BICD1: variants seen among roughly 807,000 people sequenced by gnomAD.
BICD1 encodes BICD cargo adaptor 1, also known as protein bicaudal D homolog 1.
In BICD1, 35 loss-of-function variants were observed where a neutral mutation model predicts 92.5. The observed-to-expected ratio is 0.38, with a 90% CI of 0.29 to 0.50. The LOEUF (loss-of-function observed/expected upper bound fraction) is 0.50. Among genes scored for constraint, BICD1 ranks in the 20% least tolerant of loss-of-function variants. BICD1 has a pLI of 0.93. For missense variants in BICD1, 950 were observed against 1,189.8 expected, an observed-to-expected ratio of 0.80 and a Z score of 2.97; for synonymous variants, 429 against 465.1, an observed-to-expected ratio of 0.92 and a Z score of 1.00.
At chr12:32,332,616 G>A (rs183516942) in intron 5 of BICD1, 2 of 306,782 alleles carry the variant, frequency 6.5e-6, no homozygotes, top group African/African-American at 2.3e-5. Flanking sequence ...ACAGTTCAAC[G>A]TTACACATGC....
chr12:32,286,494 C>T (rs1947571530), intron 2 of BICD1, among the ~76,000 whole-genome samples: 1 of 152,036 alleles, frequency 6.6e-6, no homozygotes, highest in Non-Finnish European at 1.5e-5. Flanking sequence ...GACTTTATAG[C>T]CAAATTAGGG....
intron 8 of BICD1, among the ~76,000 whole-genome samples, chr12:32,362,285 G>A (rs550856191): frequency 3.7e-4 from 57 of 152,312 alleles, no homozygotes; most frequent in Non-Finnish European, 6.6e-4. Context: ...GCTTGAACCC[G>A]CGAGGCGGAG....
intron 2 of BICD1, among the ~76,000 whole-genome samples, chr12:32,275,429 G>A (rs1472961984): frequency 6.6e-6 from 1 of 151,988 alleles, no homozygotes; most frequent in East Asian, 1.9e-4. Flanking sequence ...ATAATTTCTG[G>A]GTCTGGAATC....
At chr12:32,118,962 A>T (rs968560192) in intron 1 of BICD1, among the ~76,000 whole-genome samples, 1 of 152,192 alleles carries the variant, frequency 6.6e-6, no homozygotes, top group African/African-American at 2.4e-5. Context: ...GAGTCAACGA[A>T]CATCCACACA....
chr12:32,312,000 G>T (rs1463404184), intron 4 of BICD1, among the ~76,000 whole-genome samples: 1 of 152,146 alleles, frequency 6.6e-6, no homozygotes, highest in Non-Finnish European at 1.5e-5. Context: ...TTTATGGTTT[G>T]TAGGGCATGA....
chr12:32,353,498 T>G (rs972980959), intron 8 of BICD1: 1 of 151,904 alleles, frequency 6.6e-6, no homozygotes, highest in Non-Finnish European at 1.5e-5. Context: ...GGTGAAAGTC[T>G]GTAATTTTCA....
rs1291765244 is a variant in BICD1 at position 32,337,763 on chromosome 12, T to G, written c.2517T>G (p.Ser839Arg). 1.9e-6 allele frequency: 3 copies of G among 1,614,118 alleles called. No homozygotes were observed. Among genetic ancestry groups the G allele is most frequent in the Non-Finnish European group, 1.7e-6 (2 of 1,180,022 alleles). The change falls in exon 7 of 10, where the codon AGT (serine) becomes AGG (arginine). Residue 839 changes from serine to arginine, a missense_variant. This residue lies in a region of BICD1 where 179 missense variants were observed against 186.7 expected (regional missense o/e 0.96). Transcript: ENST00000652176. The surrounding 1 kb of genome is among the most constrained non-coding windows in gnomAD (Gnocchi z 4.7). ...VPTIDTYLLHSQGPQTPNIRV... is the reference protein window; with the variant it reads ...VPTIDTYLLHRQGPQTPNIRV... ...CCATAGACACTTACCTCCTGCATAG[T>G]CAGGGCCCACAGACACCCAACATTC...
Position 32,327,524 on chromosome 12 carries a change from A to G in BICD1, c.1069A>G (p.Thr357Ala), listed in dbSNP as rs1565673233. The change falls in exon 5 of 10, where the codon ACC (threonine) becomes GCC (alanine). Residue 357 changes from threonine to alanine, a missense_variant. By Grantham distance (58) the Thr-to-Ala change is moderately conservative (BLOSUM62 0). Around this residue, in one of 5 missense-constraint regions of BICD1, gnomAD observed 246 missense variants for 258.4 expected, o/e 0.95. Transcript: ENST00000652176. ...LQESQTQLEH[T>A]KGALTEQHER... Reference sequence around the variant, plus strand: ...GGAGTCACAGACACAGCTGGAACACACCAAGGGGGCACTGACGGAGCAGCA... The same window carrying G: ...GGAGTCACAGACACAGCTGGAACACGCCAAGGGGGCACTGACGGAGCAGCA... The G allele has an allele frequency of 3.7e-6, 6 of 1,614,158 alleles. No homozygotes were observed. The highest frequency in any genetic ancestry group is 5.1e-6 in the Non-Finnish European group (6 of 1,180,006).
intron 4 of BICD1, among the ~76,000 whole-genome samples, chr12:32,321,652 G>C (rs1366110444): frequency 6.6e-6 from 1 of 152,148 alleles, no homozygotes; most frequent in Non-Finnish European, 1.5e-5. Context: ...CAAATGTATA[G>C]TAATTTTAAG....
At chr12:32,268,883 T>C (rs1455294353) in intron 2 of BICD1, among the ~76,000 whole-genome samples, 2 of 152,188 alleles carry the variant, frequency 1.3e-5, no homozygotes, top group South Asian at 4.1e-4. Flanking sequence ...ATTGAATAGC[T>C]CATAAGCCAA....
In BICD1 at chr12:32,316,507, G is replaced by C. The variant is rs148590890; in HGVS notation, c.1005+10385G>C. ...GTAGAGACGGAGTTTCACCATGTCG[G>C]CCTGGCTGGTCTCAAACTCCTGACC... On this transcript the variant is annotated intron_variant, in intron 4 of 9. Coordinates refer to ENST00000652176, the MANE Select transcript of BICD1 (RefSeq NM_001714.4). Among the ~76,000 whole-genome samples the C allele has an allele frequency of 1.4e-3, 213 of 151,332 alleles. 2 individuals carry two copies. The highest frequency in any genetic ancestry group is 3.9e-3 in the African/African-American group (163 of 41,274).
intron 2 of BICD1, among the ~76,000 whole-genome samples, chr12:32,226,166 G>A (rs548412987): frequency 2.7e-4 from 41 of 152,116 alleles, no homozygotes; most frequent in African/African-American, 9.2e-4. Flanking sequence ...ACGGAGTCTC[G>A]CTCTGTCACC....
chr12:32,182,283 T>TC (rs1275806914), intron 1 of BICD1, among the ~76,000 whole-genome samples: 26 of 130,820 alleles, frequency 2.0e-4, no homozygotes, highest in Non-Finnish European at 3.7e-4. Flanking sequence ...TCTTTCTTTT[T>TC]TTTTTTTTTT....
chr12:32,147,294 T>C (rs941309856), intron 1 of BICD1, among the ~76,000 whole-genome samples: 3 of 152,124 alleles, frequency 2.0e-5, no homozygotes, highest in African/African-American at 7.2e-5. Context: ...ATATTAGGAC[T>C]GGAAAGCAGC....
rs1379474366 is a variant in BICD1, at chr12:32,225,625, T to TTG, written c.426+9167_426+9168insGT. Reference sequence around the variant, plus strand: ...ATTTGACAGTTCTTTTTTTCTGTTTTTTTTTTTTTTTTTTTTAGACGGAGT... The same window carrying TTG: ...ATTTGACAGTTCTTTTTTTCTGTTTTTGTTTTTTTTTTTTTTTTAGACGGAGT... On this transcript the variant is annotated intron_variant, in intron 2 of 9. Transcript: ENST00000652176. Among the ~76,000 whole-genome samples the TTG allele has an allele frequency of 3.4e-4, 40 of 118,468 alleles. 1 individual carries two copies. Among genetic ancestry groups the TTG allele is most frequent in the Non-Finnish European group, 4.6e-4 (28 of 60,612 alleles). 77.7% of individuals were successfully genotyped at this position (118,468 alleles called of 152,430 possible).
intron 1 of BICD1, among the ~76,000 whole-genome samples, chr12:32,132,433 G>T (rs1232363470): frequency 7.5e-6 from 1 of 132,872 alleles, no homozygotes; most frequent in African/African-American, 2.6e-5. Context: ...AAAAAAAAAA[G>T]ATCTTGAGAT....
intron 2 of BICD1, among the ~76,000 whole-genome samples, chr12:32,234,609 A>G (rs1565606833): frequency 7.0e-6 from 1 of 143,834 alleles, no homozygotes; most frequent in Admixed American, 6.9e-5. Context: ...AAAAAAAAAA[A>G]GAAAGAAAGA....
intron 2 of BICD1, among the ~76,000 whole-genome samples, chr12:32,244,076 T>TTTTTTTTTTTTTTTTTTTTTTTTTTTTAA (rs1565613579): frequency 1.3e-5 from 2 of 152,248 alleles, no homozygotes; most frequent in African/African-American, 4.8e-5. Flanking sequence ...ACTCATTCTT[T>TTTTTTTTTTTTTTTTTTTTTTTTTTTTAA]ATCTGCTATT....
chr12:32,328,651 A>G lies in BICD1; in HGVS notation c.2100+96A>G, dbSNP rs1430725038. 6.8e-7 allele frequency: 1 copy of G among 1,465,786 alleles called. No individual in the cohort carries two copies. The highest frequency in any genetic ancestry group is 1.4e-5 in the African/African-American group (1 of 70,696). The allele number at this position is 1,465,786 out of a possible 1,614,324, so 90.8% of individuals were successfully genotyped here. A position where few individuals can be genotyped will look rare whatever the true frequency, so the allele number is the denominator to read the frequency against. On this transcript the variant is annotated intron_variant, in intron 5 of 9. Coordinates refer to ENST00000652176, the MANE Select transcript of BICD1 (RefSeq NM_001714.4). The surrounding 1 kb of genome is among the most constrained non-coding windows in gnomAD (Gnocchi z 4.4). ...GAGTATCGAGTATCGTCAAGATGAG[A>G]GTTCAGATTCTTGGTAAGTGGATAA...
Sources: allele counts gnomAD v4.1 joint callset (sites outside exome capture counted in the v4.1 genomes callset), GRCh38; gene constraint gnomAD v4.1.1; regional missense constraint gnomAD v4.1.1; non-coding constraint Gnocchi (gnomAD v3.1); transcripts MANE v1.5; gene names NCBI Gene and HGNC (gene_info 2026-07-23, HGNC 2026-07-21).